Variants in FXYD7 observed in about 807,000 individuals in gnomAD.
FXYD7 encodes the protein FXYD domain-containing ion transport regulator 7.
A neutral mutation model predicts 15.3 loss-of-function variants in FXYD7; 7 were observed. That is an observed-to-expected ratio of 0.46 (90% CI 0.26 to 0.86). The LOEUF (loss-of-function observed/expected upper bound fraction) is 0.86, where lower values mean the gene tolerates loss of function less well. FXYD7 is among the 40% of genes least tolerant of loss of function. FXYD7 has a pLI of 0.16. For synonymous variants in FXYD7, 39 were observed against 39.3 expected (o/e 0.99, Z 0.03); for missense variants, 78 against 100.6 (o/e 0.78, Z 0.96).
intron 5 of FXYD7, 44 bp downstream of exon 5, chr19:35,151,717 G>A (rs1461841977): frequency 1.4e-6 from 2 of 1,467,876 alleles, no homozygotes; most frequent in Non-Finnish European, 1.9e-6. Context: ...TTTTAGGTGG[G>A]GCAGGGAAGG....
In FXYD7 at chr19:35,143,783, C is replaced by T. The variant is rs890431405; in HGVS notation, c.31+419C>T. Among the ~76,000 whole-genome samples, 2 of 152,138 alleles carry T rather than the reference C, an allele frequency of 1.3e-5. No individual in the cohort carries two copies. Among genetic ancestry groups the T allele is most frequent in the African/African-American group, 4.8e-5 (2 of 41,420 alleles). Reference sequence around the variant, plus strand: ...AAGGGAAGGGGAGGAGGTTCATGTCCCTCTTCTTTCCAGTGCTGTCTCCTA... The same window carrying T: ...AAGGGAAGGGGAGGAGGTTCATGTCTCTCTTCTTTCCAGTGCTGTCTCCTA... On this transcript the variant is annotated intron_variant, in intron 1 of 5. Transcript: ENST00000270310. This position sits in a 1 kb window ranked among gnomAD's most constrained non-coding sequence, Gnocchi z 4.3.
At chr19:35,151,810 T>G in intron 5 of FXYD7, 137 bp downstream of exon 5, 23 of 727,688 alleles carry the variant, frequency 3.2e-5, no homozygotes, top group East Asian at 1.0e-4. Flanking sequence ...CACAGGACAA[T>G]TCCCTAGGAA....
intron 3 of FXYD7, 37 bp downstream of exon 3, chr19:35,151,365 G>A (rs374107372): frequency 5.0e-6 from 8 of 1,595,686 alleles, no homozygotes; most frequent in African/African-American, 2.7e-5. Context: ...CTCAGCCTCC[G>A]CTTCCTCTGC....
intron 1 of FXYD7, among the ~76,000 whole-genome samples, chr19:35,145,761 C>A (rs985013599): frequency 5.9e-5 from 9 of 152,108 alleles, no homozygotes; most frequent in Non-Finnish European, 1.2e-4. Flanking sequence ...TAATTTTTTT[C>A]CTTAAAAGGA....
intron 1 of FXYD7, among the ~76,000 whole-genome samples, chr19:35,148,035 GA>G (rs1167073294): frequency 3.7e-5 from 1 of 27,128 alleles, no homozygotes; most frequent in African/African-American, 1.7e-4. Context: ...AGGAAAGAAA[GA>G]AAGAAAGAAA....
chr19:35,150,618 A>T (rs1600493062), intron 2 of FXYD7, among the ~76,000 whole-genome samples: 1 of 152,144 alleles, frequency 6.6e-6, no homozygotes, highest in African/African-American at 2.4e-5. Flanking sequence ...GGCTGCAGGA[A>T]CAGCCAGTGC....
intron 1 of FXYD7, among the ~76,000 whole-genome samples, chr19:35,147,291 AAGG>A (rs2065291879): frequency 6.6e-6 from 1 of 152,148 alleles, no homozygotes; most frequent in African/African-American, 2.4e-5. Flanking sequence ...TGGAAGGGGG[AAGG>A]AGAACACCAA....
chr19:35,144,028 A>G (rs1444080749), intron 1 of FXYD7, among the ~76,000 whole-genome samples: 2 of 151,974 alleles, frequency 1.3e-5, no homozygotes, highest in Non-Finnish European at 2.9e-5. Flanking sequence ...AGAGGCTGAG[A>G]GCAGTAGACA....
chr19:35,147,737 T>C (rs2065293344), intron 1 of FXYD7, among the ~76,000 whole-genome samples: 1 of 152,066 alleles, frequency 6.6e-6, no homozygotes, highest in South Asian at 2.1e-4. Flanking sequence ...CTCACATCTG[T>C]AATCCCAGCA....
chr19:35,153,033 C>CTTTGTTTTGTTTTTTTTTT (rs1555737607), intron 5 of FXYD7, among the ~76,000 whole-genome samples: 2 of 44,142 alleles, frequency 4.5e-5, no homozygotes, highest in Admixed American at 3.4e-4. Flanking sequence ...TTTCACGTTC[C>CTTTGTTTTGTTTTTTTTTT]TTTTTTTTTT....
At chr19:35,149,380 C>G (rs1367756228) in intron 2 of FXYD7, 1 of 268,626 alleles carries the variant, frequency 3.7e-6, no homozygotes, top group Non-Finnish European at 7.5e-6. Context: ...TTGTACACGA[C>G]CGGCTAAGGC....
rs774459332 is a variant in FXYD7 at position 35,151,585 on chromosome 19, G to A, written c.180-48G>A. ...GCCATGCGTTTTCCCCAAAGCCTAT[G>A]GTTATTGAACCTCTTTCTACTTTTC... On this transcript the variant is annotated intron_variant, in intron 4 of 5. Transcript: ENST00000270310. 3.1e-6 allele frequency: 5 copies of A among 1,599,948 alleles called. No homozygotes were observed. The South Asian group carries it at 5.5e-5, about 18-fold the overall frequency.
chr19:35,149,033 G>T, intron 2 of FXYD7: 1 of 542,726 alleles, frequency 1.8e-6, no homozygotes, highest in East Asian at 4.4e-5. Flanking sequence ...CAGGCTGCCT[G>T]GATTTGAATC....
chr19:35,151,284 C>T lies in FXYD7; in HGVS notation c.92C>T (p.Thr31Ile), dbSNP rs769508369. The T allele has an allele frequency of 1.9e-6, 3 of 1,609,972 alleles. No individual in the cohort carries two copies. The highest frequency in any genetic ancestry group is 1.1e-5 in the South Asian group (1 of 91,006). ...DYNTVQTVGM[T>I]LATILFLLGI... The stretch of plus-strand genomic sequence containing the variant: ...AACACGGTGCAGACTGTGGGCATGA[C>T]TCTGGCAACCATCTTGTTCCTGCTG... Residue 31 changes from threonine (T) to isoleucine (I), a missense_variant, in exon 3 of 6, where the codon ACT (threonine) becomes ATT (isoleucine). Thr to Ile is a moderately conservative substitution (Grantham distance 89). Transcript: ENST00000270310.
At chr19:35,147,356 A>G (rs987238152) in intron 1 of FXYD7, among the ~76,000 whole-genome samples, 1 of 152,188 alleles carries the variant, frequency 6.6e-6, no homozygotes, top group East Asian at 1.9e-4. Context: ...TGTGGCAGAC[A>G]GTCTGCTGCC....
rs1185768813 is a variant in FXYD7, at chr19:35,151,639, C to G, written c.186C>G (p.Thr62=). The change falls in exon 5 of 6, where the codon ACC becomes ACG. Residue 62 remains threonine, a synonymous_variant. Coordinates refer to ENST00000270310, the MANE Select transcript of FXYD7 (RefSeq NM_022006.2). Reference sequence around the variant, plus strand: ...CTCATCTCTGCCTCCACAGCCCAACCTGCAAATCCTGTAAGTCTGAGCTTC... The same window carrying G: ...CTCATCTCTGCCTCCACAGCCCAACGTGCAAATCCTGTAAGTCTGAGCTTC... ...RKADSRSESP[T]CKSCKSELPS... is the part of the protein sequence containing the mutation. 1 of 1,613,296 alleles carries G rather than the reference C, an allele frequency of 6.2e-7. No homozygotes were observed. Among genetic ancestry groups the G allele is most frequent in the South Asian group, 1.1e-5 (1 of 91,068 alleles).
chr19:35,147,126 T>C (rs944058164), intron 1 of FXYD7, among the ~76,000 whole-genome samples: 2 of 152,206 alleles, frequency 1.3e-5, no homozygotes, highest in African/African-American at 4.8e-5. Flanking sequence ...GCCACCAGGC[T>C]AGAAGTGAAA....
chr19:35,148,053 AAGAAAGAAAGAAAG>A (rs1407718701), intron 1 of FXYD7, among the ~76,000 whole-genome samples: 4 of 140,162 alleles, frequency 2.9e-5, no homozygotes, highest in African/African-American at 1.2e-4. Flanking sequence ...GAAAGAAAGA[AAGAAAGAAAGAAAG>A]AAAGAAAGAA....
chr19:35,144,608 C>T (rs1427401570), intron 1 of FXYD7, among the ~76,000 whole-genome samples: 1 of 150,194 alleles, frequency 6.7e-6, no homozygotes, highest in Non-Finnish European at 1.5e-5. Flanking sequence ...GGGGCTGCTG[C>T]ACTGAGCCAT....
Sources: allele counts gnomAD v4.1 joint callset (sites outside exome capture counted in the v4.1 genomes callset), GRCh38; gene constraint gnomAD v4.1.1; non-coding constraint Gnocchi (gnomAD v3.1); transcripts MANE v1.5; gene names NCBI Gene and HGNC (gene_info 2026-07-23, HGNC 2026-07-21).